Variants in MID1 observed in about 807,000 individuals in gnomAD.
MID1 encodes E3 ubiquitin-protein ligase Midline-1.
Under a neutral mutation model 40.4 loss-of-function variants are expected in MID1, and 7 were observed. The observed-to-expected ratio is 0.17, with a 90% CI of 0.10 to 0.33. The LOEUF (loss-of-function observed/expected upper bound fraction) is 0.33. MID1 is among the 10% of genes least tolerant of loss of function. The probability of loss-of-function intolerance (pLI) is 1.00; values close to 1 mark genes in which losing one functional copy is unlikely to be tolerated. For missense variants in MID1, 367 were observed against 558.5 expected (o/e 0.66, Z 3.46); for synonymous variants, 229 against 221.2 (o/e 1.04, Z -0.31).
At chrX:10,584,178 A>C (rs142006898) in intron 1 of MID1, among the ~76,000 whole-genome samples, 154 of 111,980 alleles carry the variant, frequency 1.4e-3, no homozygotes, top group African/African-American at 4.8e-3. Flanking sequence ...CCACTTCCAC[A>C]AACCCTTTTA....
At chrX:10,523,043 TG>T in intron 3 of MID1, 48 bp downstream of exon 3, 1 of 870,807 alleles carries the variant, frequency 1.1e-6, no homozygotes, top group Non-Finnish European at 1.7e-6. Context: ...AACCTTGATC[TG>T]GCAGTTTTCA....
intron 2 of MID1, among the ~76,000 whole-genome samples, chrX:10,560,808 T>C (rs1934306067): frequency 9.2e-6 from 1 of 108,618 alleles, no homozygotes; most frequent in South Asian, 3.8e-4. Flanking sequence ...AAGTAATTTA[T>C]AGATTCAATG....
intron 3 of MID1, among the ~76,000 whole-genome samples, chrX:10,514,387 T>A (rs983347055): frequency 8.9e-6 from 1 of 112,427 alleles, no homozygotes; most frequent in African/African-American, 3.2e-5. Context: ...AGATTTTTGC[T>A]GATATCTTCT....
chrX:10,802,824 A>G (rs2044018533), intron 1 of MID1, among the ~76,000 whole-genome samples: 1 of 112,127 alleles, frequency 8.9e-6, no homozygotes, highest in Non-Finnish European at 1.9e-5. Context: ...GTACATTTAC[A>G]CCATGAAATA....
intron 7 of MID1, among the ~76,000 whole-genome samples, chrX:10,460,282 G>A (rs763800496): frequency 9.0e-6 from 1 of 111,179 alleles, no homozygotes; most frequent in Non-Finnish European, 1.9e-5. Flanking sequence ...TGCAGCCAAC[G>A]CCCAGCCAGT....
chrX:10,597,408 C>G (rs1398165366), intron 1 of MID1, among the ~76,000 whole-genome samples: 1 of 111,852 alleles, frequency 8.9e-6, no homozygotes, highest in Non-Finnish European at 1.9e-5. Context: ...CCTTCCAAAT[C>G]AAATAGACTA....
intron 1 of MID1, among the ~76,000 whole-genome samples, chrX:10,658,948 G>A (rs988393134): frequency 9.0e-6 from 1 of 111,641 alleles, no homozygotes; most frequent in African/African-American, 3.3e-5. Flanking sequence ...TATAATATAT[G>A]ACATCAATTT....
intron 1 of MID1, among the ~76,000 whole-genome samples, chrX:10,650,315 T>A (rs1233180916): frequency 9.0e-6 from 1 of 110,581 alleles, no homozygotes; most frequent in Non-Finnish European, 1.9e-5. Context: ...TACATAAGGA[T>A]TGGACAGACC....
At chrX:10,690,996 C>T (rs1166332189) in intron 1 of MID1, among the ~76,000 whole-genome samples, 2 of 111,291 alleles carry the variant, frequency 1.8e-5, no homozygotes, top group African/African-American at 6.5e-5. Flanking sequence ...CTACCACTGT[C>T]TCCTTGTGAT....
At chrX:10,819,571 G>T (rs1455231036) in intron 1 of MID1, among the ~76,000 whole-genome samples, 1 of 111,522 alleles carries the variant, frequency 9.0e-6, no homozygotes, top group Non-Finnish European at 1.9e-5. Context: ...TCAGGACCCA[G>T]AGAGAGCAAG....
chrX:10,820,814 C>T (rs972203416), intron 1 of MID1, among the ~76,000 whole-genome samples: 1 of 112,305 alleles, frequency 8.9e-6, no homozygotes, highest in Non-Finnish European at 1.9e-5. Flanking sequence ...TCATTCTTTG[C>T]TGCAGGTAAG....
chrX:10,755,287 A>G (rs1348082327), intron 1 of MID1, among the ~76,000 whole-genome samples: 1 of 112,119 alleles, frequency 8.9e-6, no homozygotes, highest in African/African-American at 3.2e-5. Context: ...AACAGTAACA[A>G]AAGTAGAAAA....
At chrX:10,511,367 G>C (rs1010112637) in intron 3 of MID1, among the ~76,000 whole-genome samples, 10 of 110,599 alleles carry the variant, frequency 9.0e-5, no homozygotes, top group Non-Finnish European at 1.7e-4. Flanking sequence ...AAATATTTCA[G>C]TCCCAAGTTG....
chrX:10,802,406 A>T (rs1165819271), intron 1 of MID1, among the ~76,000 whole-genome samples: 2 of 111,692 alleles, frequency 1.8e-5, no homozygotes. Flanking sequence ...GAGACATACA[A>T]GCGGCCAACA....
intron 2 of MID1, among the ~76,000 whole-genome samples, chrX:10,531,034 T>C (rs995409491): frequency 3.6e-5 from 4 of 111,967 alleles, no homozygotes; most frequent in African/African-American, 1.3e-4. Context: ...TGGATACCTT[T>C]CAAGGCAAAC....
chrX:10,557,088 C>CA (rs1199602988), intron 2 of MID1, among the ~76,000 whole-genome samples: 1 of 111,828 alleles, frequency 8.9e-6, no homozygotes, highest in Non-Finnish European at 1.9e-5. Flanking sequence ...CTTTCTTTTG[C>CA]AGTGTCCCCG....
At chrX:10,661,486 G>A (rs2042912099) in intron 1 of MID1, among the ~76,000 whole-genome samples, 1 of 109,187 alleles carries the variant, frequency 9.2e-6, no homozygotes, top group South Asian at 4.1e-4. Context: ...CTGATTTTTT[G>A]TATATTTAGC....
At chrX:10,774,223 G>C (rs1467727339) in intron 1 of MID1, among the ~76,000 whole-genome samples, 1 of 111,030 alleles carries the variant, frequency 9.0e-6, no homozygotes, top group African/African-American at 3.3e-5. Context: ...TTCAAGAAAG[G>C]GGGCTCAGTC....
At chrX:10,562,371 TAAAA>T (rs760465620) in intron 2 of MID1, among the ~76,000 whole-genome samples, 2 of 44,891 alleles carry the variant, frequency 4.5e-5, no homozygotes, top group Non-Finnish European at 8.6e-5. Flanking sequence ...GAACTTAAAG[TAAAA>T]AAAAAAAAAA....
Sources: allele counts gnomAD v4.1 joint callset (sites outside exome capture counted in the v4.1 genomes callset), GRCh38; gene constraint gnomAD v4.1.1; transcripts MANE v1.5; gene names NCBI Gene and HGNC (gene_info 2026-07-23, HGNC 2026-07-21).